Variants in KCNU1 observed in about 807,000 individuals in gnomAD.
KCNU1 encodes the protein potassium calcium-activated channel subfamily U member 1, also known as potassium channel subfamily U member 1.
A neutral mutation model predicts 126.8 loss-of-function variants in KCNU1; 93 were observed. The observed-to-expected ratio is 0.73, with a 90% CI of 0.62 to 0.87. The LOEUF (loss-of-function observed/expected upper bound fraction) is 0.87, where lower values mean the gene tolerates loss of function less well. KCNU1 is among the 40% of genes least tolerant of loss of function. The pLI, the probability that KCNU1 is intolerant of heterozygous loss-of-function variation, is 0.00. For synonymous variants in KCNU1, 523 were observed against 494.2 expected (o/e 1.06, Z -0.77); for missense variants, 1,330 against 1,367.1 (o/e 0.97, Z 0.43).
chr8:36,851,907 A>G (rs983216700), intron 18 of KCNU1, among the ~76,000 whole-genome samples: 1 of 152,180 alleles, frequency 6.6e-6, no homozygotes, highest in Non-Finnish European at 1.5e-5. Flanking sequence ...AACCATCAGT[A>G]CCTTCTTAAA....
At chr8:36,831,506 C>T (rs1196576808) in intron 10 of KCNU1, among the ~76,000 whole-genome samples, 1 of 152,032 alleles carries the variant, frequency 6.6e-6, no homozygotes, top group Non-Finnish European at 1.5e-5. Flanking sequence ...TCTCTGATGG[C>T]CAGTGATGGT....
intron 19 of KCNU1, among the ~76,000 whole-genome samples, chr8:36,900,686 G>A (rs921130465): frequency 1.3e-5 from 2 of 152,050 alleles, no homozygotes; most frequent in African/African-American, 4.8e-5. Flanking sequence ...TGGAGAGAGG[G>A]CAGATGTAGC....
intron 20 of KCNU1, among the ~76,000 whole-genome samples, chr8:36,907,093 G>T (rs1324812614): frequency 6.6e-6 from 1 of 152,104 alleles, no homozygotes; most frequent in Non-Finnish European, 1.5e-5. Context: ...ATACCAACCA[G>T]GTCTTTTGTT....
intron 19 of KCNU1, among the ~76,000 whole-genome samples, chr8:36,900,034 G>T (rs1338737616): frequency 6.6e-6 from 1 of 152,116 alleles, no homozygotes; most frequent in East Asian, 1.9e-4. Flanking sequence ...GGGGCTTGGT[G>T]CTTTGGAAGT....
intron 19 of KCNU1, among the ~76,000 whole-genome samples, chr8:36,867,840 A>T (rs1563304986): frequency 6.6e-6 from 1 of 152,142 alleles, no homozygotes; most frequent in Non-Finnish European, 1.5e-5. Context: ...CTAAAGGGAG[A>T]ATGGATCCAG....
chr8:36,924,765 C>T (rs1343603605), intron 24 of KCNU1, among the ~76,000 whole-genome samples: 1 of 152,104 alleles, frequency 6.6e-6, no homozygotes, highest in African/African-American at 2.4e-5. Context: ...TGAACTTGAC[C>T]TGTCTGCAGA....
chr8:36,820,663 A>G (rs1364620814), intron 10 of KCNU1, among the ~76,000 whole-genome samples: 1 of 152,158 alleles, frequency 6.6e-6, no homozygotes, highest in East Asian at 1.9e-4. Context: ...CTTAGAAGCA[A>G]TACAGAAGGC....
intron 18 of KCNU1, among the ~76,000 whole-genome samples, chr8:36,851,373 T>C (rs1436529076): frequency 7.1e-6 from 1 of 140,276 alleles, no homozygotes; most frequent in Non-Finnish European, 1.6e-5. Context: ...GGCACTTCCC[T>C]TCTCTCTCTC....
At chr8:36,922,342 G>A in intron 23 of KCNU1, 148 bp from the exon 24 acceptor site, 2 of 713,882 alleles carry the variant, frequency 2.8e-6, no homozygotes, top group Admixed American at 3.1e-5. Flanking sequence ...AAAAAAAAAT[G>A]TACTGAAAAA....
intron 16 of KCNU1, among the ~76,000 whole-genome samples, chr8:36,842,757 G>A (rs909011126): frequency 5.3e-5 from 8 of 152,066 alleles, no homozygotes; most frequent in Non-Finnish European, 7.4e-5. Context: ...TGCAACCTCC[G>A]CCTCCCAGGT....
intron 18 of KCNU1, among the ~76,000 whole-genome samples, chr8:36,850,793 G>A (rs1434895326): frequency 6.6e-6 from 1 of 152,134 alleles, no homozygotes; most frequent in African/African-American, 2.4e-5. Context: ...GTTTATGGTA[G>A]AAGAAGAGGA....
At chr8:36,933,984 G>T (rs1808779515) in intron 26 of KCNU1, among the ~76,000 whole-genome samples, 1 of 152,050 alleles carries the variant, frequency 6.6e-6, no homozygotes, top group Non-Finnish European at 1.5e-5. Flanking sequence ...GGCTTACTGT[G>T]GATTTGTGAA....
intron 22 of KCNU1, among the ~76,000 whole-genome samples, chr8:36,917,975 G>T (rs1281749030): frequency 6.6e-6 from 1 of 152,176 alleles, no homozygotes; most frequent in African/African-American, 2.4e-5. Context: ...CAGTGCCTCA[G>T]CCCAGTGAGG....
chr8:36,835,533 G>C (rs995936860), intron 12 of KCNU1, among the ~76,000 whole-genome samples: 2 of 151,998 alleles, frequency 1.3e-5, no homozygotes, highest in African/African-American at 4.8e-5. Flanking sequence ...TAGAGATGGG[G>C]TTTTACCATG....
In KCNU1 at chr8:36,874,838, A is replaced by G. The variant is rs1381642413; in HGVS notation, c.2009+10317A>G. On this transcript the variant is annotated intron_variant, in intron 19 of 26. Coordinates refer to ENST00000399881, the MANE Select transcript of KCNU1 (RefSeq NM_001031836.3). ...AACCTTTCTTACCGAGAGAAGGTTAAGAAAAGGCACCTTTAACAGATTTTT... is the reference window on the plus strand; with the variant it reads ...AACCTTTCTTACCGAGAGAAGGTTAGGAAAAGGCACCTTTAACAGATTTTT... Among the ~76,000 whole-genome samples, 6 of 152,242 alleles carry G rather than the reference A, an allele frequency of 3.9e-5. No individual in the cohort carries two copies. In the East Asian group the frequency reaches 9.7e-4, roughly 25 times the overall value.
chr8:36,915,578 G>A (rs983715004), intron 22 of KCNU1, among the ~76,000 whole-genome samples: 20 of 152,136 alleles, frequency 1.3e-4, no homozygotes, highest in African/African-American at 4.8e-4. Context: ...TTGACTCATG[G>A]CAATTAAAGG....
At chr8:36,824,534 C>A (rs1488680376) in intron 10 of KCNU1, among the ~76,000 whole-genome samples, 1 of 152,016 alleles carries the variant, frequency 6.6e-6, no homozygotes, top group African/African-American at 2.4e-5. Context: ...TCAGGCATCC[C>A]CTGGGGGTCT....
chr8:36,931,139 C>CA lies in KCNU1; in HGVS notation c.2925_2926insA (p.Val976SerfsTer2). On this transcript the variant is annotated frameshift_variant, in exon 25 of 27. Coordinates refer to ENST00000399881, the MANE Select transcript of KCNU1 (RefSeq NM_001031836.3). LOFTEE classifies it high-confidence loss of function. ...CCTTACACGAAACCATTTTATCAGA[C>CA]GTTAATGTGAGTCTACTCTTCTCAG... The CA allele has an allele frequency of 6.2e-7, 1 of 1,601,884 alleles. No homozygotes were observed. The highest frequency in any genetic ancestry group is 8.5e-7 in the Non-Finnish European group (1 of 1,174,186).
intron 19 of KCNU1, among the ~76,000 whole-genome samples, 178 bp from the exon 20 acceptor site, chr8:36,905,530 C>G (rs1012091264): frequency 4.6e-5 from 7 of 151,380 alleles, no homozygotes; most frequent in Non-Finnish European, 8.8e-5. Context: ...ATGATACAGT[C>G]TGGGCTCTTT....
Sources: gnomAD v4.1 joint callset for allele counts (sites outside exome capture counted in the v4.1 genomes callset) on GRCh38, gnomAD v4.1.1 for gene constraint, MANE v1.5 for transcripts, NCBI Gene and HGNC (gene_info 2026-07-23, HGNC 2026-07-21) for gene names.